NLE1: variants seen among roughly 807,000 people sequenced by gnomAD.
The protein encoded by NLE1 is notchless protein homolog 1.
Under a neutral mutation model 62.8 loss-of-function variants are expected in NLE1, and 37 were observed. That is an observed-to-expected ratio of 0.59 (90% CI 0.45 to 0.78). The LOEUF (loss-of-function observed/expected upper bound fraction) is 0.78. NLE1 is among the 30% of genes least tolerant of loss of function. The probability of loss-of-function intolerance (pLI) is 0.00; values close to 1 mark genes in which losing one functional copy is unlikely to be tolerated. For missense variants in NLE1, 555 were observed against 637.9 expected, an observed-to-expected ratio of 0.87 and a Z score of 1.40; for synonymous variants, 243 against 253.0, an observed-to-expected ratio of 0.96 and a Z score of 0.37.
chr17:35,136,103 A>G, intron 9 of NLE1, 66 bp downstream of exon 9: 1 of 1,521,010 alleles, frequency 6.6e-7, no homozygotes, highest in Non-Finnish European at 9.1e-7. Context: ...AGGGTCTGAG[A>G]GGGTTTTAGT....
In NLE1 at chr17:35,130,567, C is replaced by G. The variant is rs748360891; in HGVS notation, c.*1870G>C. 5.3e-5 allele frequency: 50 copies of G among 947,686 alleles called. No individual in the cohort carries two copies. Among genetic ancestry groups the G allele is most frequent in the Non-Finnish European group, 7.4e-5 (48 of 651,878 alleles). 58.7% of individuals were successfully genotyped at this position (947,686 alleles called of 1,614,324 possible). A position where few individuals can be genotyped will look rare whatever the true frequency, so the allele number is the denominator to read the frequency against. ...GTCTGGCAGAGTGGTATGGGCACCC[C>G]ACCCCTGGGCTGGGGCCAAGGCTAC... On this transcript the variant is annotated 3_prime_UTR_variant, in exon 13 of 13. Coordinates refer to ENST00000442241, the MANE Select transcript of NLE1 (RefSeq NM_018096.5).
At chr17:35,141,397 T>C (rs1188077817) in intron 2 of NLE1, among the ~76,000 whole-genome samples, 1 of 151,784 alleles carries the variant, frequency 6.6e-6, no homozygotes, top group Non-Finnish European at 1.5e-5. Context: ...AATACAAAAA[T>C]TAGCTGGGTG....
rs1203708974 is a variant in NLE1, at chr17:35,130,188, C to T, written c.*2249G>A. The T allele has an allele frequency of 6.6e-7, 1 of 1,521,062 alleles. No homozygotes were observed. The highest frequency in any genetic ancestry group is 1.4e-5 in the African/African-American group (1 of 72,068). The allele number at this position is 1,521,062 out of a possible 1,614,324, so 94.2% of individuals were successfully genotyped here. A position where few individuals can be genotyped will look rare whatever the true frequency, so the allele number is the denominator to read the frequency against. ...GGATAAGGCTGTTTAAGGTCTGAGTCAGCAGACAGAAAAAAAAGGGGTGAT... is the reference window on the plus strand; with the variant it reads ...GGATAAGGCTGTTTAAGGTCTGAGTTAGCAGACAGAAAAAAAAGGGGTGAT... On this transcript the variant is annotated 3_prime_UTR_variant, in exon 13 of 13. Transcript: ENST00000442241.
intron 10 of NLE1, among the ~76,000 whole-genome samples, chr17:35,134,119 T>C (rs1486851666): frequency 6.6e-6 from 1 of 152,128 alleles, no homozygotes. Context: ...CTGTGCCTCA[T>C]CACACCAAGG....
Position 35,129,934 on chromosome 17 carries a change from C to A in NLE1, c.*2503G>T. 7.2e-7 allele frequency: 1 copy of A among 1,381,604 alleles called. No homozygotes were observed. The highest frequency in any genetic ancestry group is 9.4e-7 in the Non-Finnish European group (1 of 1,067,642). The allele number at this position is 1,381,604 out of a possible 1,614,324, so 85.6% of individuals were successfully genotyped here. On this transcript the variant is annotated 3_prime_UTR_variant, in exon 13 of 13. Coordinates refer to ENST00000442241, the MANE Select transcript of NLE1 (RefSeq NM_018096.5). Reference sequence around the variant, plus strand: ...CCATTGGTTTTTAGACTCTGCAATTCAGTGCCCATGATTGTGAGTAGGCTG... The same window carrying A: ...CCATTGGTTTTTAGACTCTGCAATTAAGTGCCCATGATTGTGAGTAGGCTG...
intron 7 of NLE1, 101 bp downstream of exon 7, chr17:35,136,900 C>A: frequency 8.7e-7 from 1 of 1,155,656 alleles, no homozygotes; most frequent in Non-Finnish European, 1.3e-6. Context: ...CAGCACACAT[C>A]TGGGAAACAC....
rs2091867431 is a variant in NLE1 at position 35,130,124 on chromosome 17, T to C, written c.*2313A>G. On this transcript the variant is annotated 3_prime_UTR_variant, in exon 13 of 13. Coordinates refer to ENST00000442241, the MANE Select transcript of NLE1 (RefSeq NM_018096.5). ...AATGAGGAGGTACAGGCTTGAGTCA[T>C]GCATCTTTGCACCTGTTTCCTGCGT... 7.6e-6 allele frequency: 11 copies of C among 1,441,262 alleles called. No homozygotes were observed. The highest frequency in any genetic ancestry group is 5.7e-5 in the African/African-American group (4 of 69,778). 89.3% of individuals were successfully genotyped at this position (1,441,262 alleles called of 1,614,324 possible).
chr17:35,141,272 G>A (rs2091941861), intron 2 of NLE1, among the ~76,000 whole-genome samples: 1 of 152,298 alleles, frequency 6.6e-6, no homozygotes, highest in East Asian at 1.9e-4. Flanking sequence ...CAAAGGCCGG[G>A]TGCGGTGGCT....
intron 2 of NLE1, 81 bp downstream of exon 2, chr17:35,141,898 C>T: frequency 6.9e-7 from 1 of 1,453,746 alleles, no homozygotes; most frequent in East Asian, 2.5e-5. Context: ...GGACCATGAA[C>T]CGCAGACCCT....
chr17:35,135,226 A>C (rs1173447284), intron 10 of NLE1, 23 bp downstream of exon 10: 3 of 1,611,444 alleles, frequency 1.9e-6, no homozygotes, highest in East Asian at 4.5e-5. Flanking sequence ...CCTTACAGAG[A>C]AGCAGTACCC....
Position 35,137,005 on chromosome 17 carries a change from T to A in NLE1, c.824A>T (p.His275Leu). ...CTGAACCCTCCCAGCACTTACGTCA[T>A]GAGCTCTCCAGACTTTGATGGTGCG... ...QDRTIKVWRA[H>L]DGVLCRTLQG... The change falls in exon 7 of 13, where the codon CAT (histidine) becomes CTT (leucine). Residue 275 changes from histidine to leucine, a missense_variant. His to Leu is a moderately conservative substitution (Grantham distance 99). Transcript: ENST00000442241. 1.3e-6 allele frequency: 2 copies of A among 1,597,232 alleles called. No individual in the cohort carries two copies. The highest frequency in any genetic ancestry group is 2.7e-5 in the African/African-American group (2 of 74,600).
intron 12 of NLE1, among the ~76,000 whole-genome samples, chr17:35,132,916 C>T (rs552635839): frequency 6.6e-6 from 1 of 152,080 alleles, no homozygotes; most frequent in South Asian, 2.1e-4. Flanking sequence ...TCCGGTGGCC[C>T]TCCCACTTGC....
At chr17:35,141,572 G>GTAAA (rs1262550777) in intron 2 of NLE1, among the ~76,000 whole-genome samples, 12 of 136,142 alleles carry the variant, frequency 8.8e-5, no homozygotes, top group South Asian at 6.7e-4. Flanking sequence ...AAAAAAAAAG[G>GTAAA]TAAATAAATA....
chr17:35,135,159 C>G, intron 10 of NLE1, 90 bp downstream of exon 10: 1 of 1,254,590 alleles, frequency 8.0e-7, no homozygotes, highest in East Asian at 2.3e-5. Flanking sequence ...AATCCAAACA[C>G]CTGCCAAGGC....
intron 1 of NLE1, 43 bp downstream of exon 1, chr17:35,142,215 C>A: frequency 6.4e-7 from 1 of 1,565,540 alleles, no homozygotes; most frequent in Non-Finnish European, 8.6e-7. Context: ...CGGGCCCTAG[C>A]GCCCCGCGGC....
chr17:35,136,263 G>A (rs766117285), intron 8 of NLE1, 48 bp from the exon 9 acceptor site: 10 of 1,612,892 alleles, frequency 6.2e-6, no homozygotes, highest in East Asian at 2.2e-5. Flanking sequence ...GAAGAAGGCC[G>A]ATAAGAAAAT....
chr17:35,136,799 C>A (rs75197934), intron 7 of NLE1, among the ~76,000 whole-genome samples: 1 of 152,072 alleles, frequency 6.6e-6, no homozygotes, highest in Non-Finnish European at 1.5e-5. Flanking sequence ...CAGAGTGTGA[C>A]GATCTCATGG....
chr17:35,129,348 C>G lies in NLE1; in HGVS notation c.*3089G>C. 1 of 1,562,218 alleles carries G rather than the reference C, an allele frequency of 6.4e-7. No individual in the cohort carries two copies. Among genetic ancestry groups the G allele is most frequent in the Non-Finnish European group, 8.7e-7 (1 of 1,150,540 alleles). On this transcript the variant is annotated 3_prime_UTR_variant, in exon 13 of 13. Coordinates refer to ENST00000442241, the MANE Select transcript of NLE1 (RefSeq NM_018096.5). ...GGGGATGGGCATGGGACGTCCTGAC[C>G]CCAGTTGGGAGGGTGAAGGGACAGG...
intron 7 of NLE1, 86 bp downstream of exon 7, chr17:35,136,915 C>T (rs2142505623): frequency 1.6e-6 from 2 of 1,261,594 alleles, no homozygotes; most frequent in East Asian, 4.7e-5. Context: ...AAACACTGGA[C>T]TCGCTGATGT....
Sources: gnomAD v4.1 joint callset for allele counts (sites outside exome capture counted in the v4.1 genomes callset) on GRCh38, gnomAD v4.1.1 for gene constraint, MANE v1.5 for transcripts, NCBI Gene and HGNC (gene_info 2026-07-23, HGNC 2026-07-21) for gene names.